The following SLC17A1 variants were observed in gnomAD, a reference collection of about 807,000 sequenced individuals.
SLC17A1 encodes sodium-dependent phosphate transport protein 1.
Under a neutral mutation model 53.5 loss-of-function variants are expected in SLC17A1, and 51 were observed. That is an observed-to-expected ratio of 0.95 (90% confidence interval 0.76 to 1.20). The LOEUF is 1.20. SLC17A1 is among the 50% of genes most tolerant of loss of function. SLC17A1 has a pLI of 0.00. For missense variants in SLC17A1, 538 were observed against 568.2 expected, an observed-to-expected ratio of 0.95 and a Z score of 0.54; for synonymous variants, 179 against 198.8, an observed-to-expected ratio of 0.90 and a Z score of 0.84.
chr6:25,806,861 A>T (rs192955311), intron 10 of SLC17A1, among the ~76,000 whole-genome samples: 2 of 152,074 alleles, frequency 1.3e-5, no homozygotes, highest in Non-Finnish European at 2.9e-5. Context: ...AAAGTGGGCA[A>T]TTGGCATGAA....
intron 2 of SLC17A1, among the ~76,000 whole-genome samples, chr6:25,828,558 T>A (rs1307173337): frequency 6.6e-6 from 1 of 152,006 alleles, no homozygotes; most frequent in African/African-American, 2.4e-5. Flanking sequence ...TGACTTAGTG[T>A]TGGTGGTTGC....
At chr6:25,826,249 A>G (rs1764735680) in intron 3 of SLC17A1, among the ~76,000 whole-genome samples, 1 of 152,094 alleles carries the variant, frequency 6.6e-6, no homozygotes, top group Non-Finnish European at 1.5e-5. Flanking sequence ...ATTCTCTCTC[A>G]CATAGAAGGA....
At chr6:25,776,966 AC>A in the SLC17A1 span, 18 of 1,605,222 alleles carry the variant, frequency 1.1e-5, no homozygotes, top group African/African-American at 2.1e-4. Context: ...CTCGGTAGGG[AC>A]CTCTTTTGCC....
At chr6:25,819,018 AT>A (rs779336869) in intron 6 of SLC17A1, 49 bp downstream of exon 6, 10 of 1,295,932 alleles carry the variant, frequency 7.7e-6, no homozygotes, top group South Asian at 2.9e-5. Flanking sequence ...TAATGTTTAA[AT>A]TTTTTTAGAT....
At chr6:25,788,756 GT>G (rs1246359982) in intron 12 of SLC17A1, among the ~76,000 whole-genome samples, 1 of 152,204 alleles carries the variant, frequency 6.6e-6, no homozygotes, top group African/African-American at 2.4e-5. Flanking sequence ...AGTGAGGGGT[GT>G]AGGCCTGGGA....
the SLC17A1 span, among the ~76,000 whole-genome samples, chr6:25,733,534 TA>T: frequency 6.6e-6 from 1 of 152,124 alleles, no homozygotes; most frequent in African/African-American, 2.4e-5. Flanking sequence ...AACCAAAAGA[TA>T]AAAGGTACAT....
chr6:25,738,114 T>C, the SLC17A1 span, among the ~76,000 whole-genome samples: 1,928 of 152,268 alleles, frequency 0.013, 38 homozygotes, highest in African/African-American at 0.042. Flanking sequence ...TAAAAGGAAC[T>C]AGAACATCTA....
At chr6:25,813,389 A>G (rs890325105) in intron 6 of SLC17A1, among the ~76,000 whole-genome samples, 176 bp from the exon 7 acceptor site, 4 of 152,100 alleles carry the variant, frequency 2.6e-5, no homozygotes, top group Non-Finnish European at 5.9e-5. Flanking sequence ...ACCCCTCCCT[A>G]CTAGAAATGG....
chr6:25,773,123 C>A, the SLC17A1 span: 1 of 687,200 alleles, frequency 1.5e-6, no homozygotes, highest in South Asian at 1.8e-5. Flanking sequence ...TGAGGAAGTA[C>A]CCTCCCCCAT....
the SLC17A1 span, chr6:25,726,865 C>T: frequency 9.4e-4 from 1,480 of 1,570,940 alleles, 2 homozygotes; most frequent in African/African-American, 6.2e-3. Context: ...TGCTGTGTAA[C>T]CCTGGAAAAG....
At chr6:25,811,904 G>A in intron 8 of SLC17A1, 134 bp from the exon 9 acceptor site, 1 of 925,220 alleles carries the variant, frequency 1.1e-6, no homozygotes, top group South Asian at 1.7e-5. Context: ...TACAACAACA[G>A]AATTACTGCT....
At chr6:25,809,388 A>G (rs914380912) in intron 10 of SLC17A1, among the ~76,000 whole-genome samples, 4 of 152,092 alleles carry the variant, frequency 2.6e-5, no homozygotes, top group African/African-American at 9.7e-5. Flanking sequence ...CCTTAAATTT[A>G]TACAAAAGCA....
chr6:25,752,080 C>T, the SLC17A1 span, among the ~76,000 whole-genome samples: 1 of 152,338 alleles, frequency 6.6e-6, no homozygotes, highest in East Asian at 1.9e-4. Flanking sequence ...CCCCACAGAG[C>T]ATGTGCTGTA....
chr6:25,727,147 C>G, the SLC17A1 span: 1 of 1,614,208 alleles, frequency 6.2e-7, no homozygotes, highest in Non-Finnish European at 8.5e-7. Flanking sequence ...AGCGAGGCAT[C>G]ACGTTTGGCT....
At chr6:25,732,712 C>T in the SLC17A1 span, 1 of 1,324,848 alleles carries the variant, frequency 7.5e-7, no homozygotes, top group South Asian at 1.2e-5. Flanking sequence ...ACAAGGAGCT[C>T]GACAAGCTGC....
chr6:25,814,737 A>C (rs1459516770), intron 6 of SLC17A1, among the ~76,000 whole-genome samples: 1 of 152,184 alleles, frequency 6.6e-6, no homozygotes, highest in Non-Finnish European at 1.5e-5. Context: ...TAATCCCAGC[A>C]CTTTGGAAGG....
At chr6:25,781,342 G>A (rs1214512674), downstream of SLC17A1, among the ~76,000 whole-genome samples, 1 of 152,108 alleles carries the variant, frequency 6.6e-6, no homozygotes, top group African/African-American at 2.4e-5. Context: ...TGCTAAGAAA[G>A]GGAAGGGAAG....
chr6:25,819,137 A>C lies in SLC17A1; in HGVS notation c.547T>G (p.Phe183Val). ...MSTSGFLLGPFIVLLVTGVIC... is the reference protein window; with the variant it reads ...MSTSGFLLGPVIVLLVTGVIC... ...ACTCCAGTCACAAGTAGGACAATAAAGGGTCCCAGCAAAAACCCTAATCAG... is the reference window on the plus strand; with the variant it reads ...ACTCCAGTCACAAGTAGGACAATAACGGGTCCCAGCAAAAACCCTAATCAG... Residue 183 changes from phenylalanine to valine, a missense_variant, in exon 6 of 13, where the codon TTT becomes GTT. Physicochemically the swap from Phe to Val is conservative, Grantham distance 50 (BLOSUM62 -1). Coordinates refer to ENST00000244527, the MANE Select transcript of SLC17A1 (RefSeq NM_005074.5). The C allele has an allele frequency of 6.2e-7, 1 of 1,609,498 alleles. No individual in the cohort carries two copies. The highest frequency in any genetic ancestry group is 8.5e-7 in the Non-Finnish European group (1 of 1,178,510).
At chr6:25,796,344 C>A (rs1296040553) in intron 12 of SLC17A1, among the ~76,000 whole-genome samples, 1 of 152,012 alleles carries the variant, frequency 6.6e-6, no homozygotes. Context: ...ATGCTTGCAT[C>A]TTGGCAAATT....
Sources: allele counts gnomAD v4.1 joint callset (sites outside exome capture counted in the v4.1 genomes callset), GRCh38; gene constraint gnomAD v4.1.1; transcripts MANE v1.5; gene names NCBI Gene and HGNC (gene_info 2026-07-23, HGNC 2026-07-21).